The following KLHL29 variants were observed in gnomAD, a reference collection of about 807,000 sequenced individuals.
KLHL29 encodes kelch like family member 29.
In KLHL29, 21 loss-of-function variants were observed where a neutral mutation model predicts 80.4. That is an observed-to-expected ratio of 0.26 (90% CI 0.19 to 0.38). The LOEUF is 0.38. Among genes scored for constraint, KLHL29 ranks in the 10% least tolerant of loss-of-function variants. The pLI, the probability that KLHL29 is intolerant of heterozygous loss-of-function variation, is 1.00. For synonymous variants in KLHL29, 511 were observed against 526.8 expected (o/e 0.97, Z 0.41); for missense variants, 867 against 1,223.9 (o/e 0.71, Z 4.35).
At chr2:23,599,259 G>A (rs936219644) in intron 3 of KLHL29, among the ~76,000 whole-genome samples, 3 of 152,060 alleles carry the variant, frequency 2.0e-5, no homozygotes, top group African/African-American at 7.2e-5. Context: ...AGCATGCCCT[G>A]GTCCCTGTTT....
chr2:23,514,460 T>C (rs974821641), intron 2 of KLHL29, among the ~76,000 whole-genome samples: 2 of 152,150 alleles, frequency 1.3e-5, no homozygotes, highest in African/African-American at 2.4e-5. Flanking sequence ...TTCCTGGAAA[T>C]TGCCTTGGTC....
intron 2 of KLHL29, among the ~76,000 whole-genome samples, chr2:23,537,226 TGG>T (rs1666698264): frequency 6.6e-6 from 1 of 152,188 alleles, no homozygotes; most frequent in Non-Finnish European, 1.5e-5. Flanking sequence ...CCACCCTTCA[TGG>T]GCAGTGCTGC....
chr2:23,575,684 T>C (rs891095544), intron 3 of KLHL29, among the ~76,000 whole-genome samples: 3 of 152,118 alleles, frequency 2.0e-5, no homozygotes, highest in African/African-American at 7.2e-5. Context: ...GCTGGCAATG[T>C]GGAGACACAG....
At chr2:23,642,936 G>A in intron 5 of KLHL29, 86 bp downstream of exon 5, 5 of 1,469,322 alleles carry the variant, frequency 3.4e-6, no homozygotes, top group Non-Finnish European at 4.7e-6. Context: ...GACAGGGGGT[G>A]CTTCATGCCA....
chr2:23,557,893 C>T (rs960101963), intron 2 of KLHL29, among the ~76,000 whole-genome samples: 2 of 152,144 alleles, frequency 1.3e-5, no homozygotes, highest in Non-Finnish European at 2.9e-5. Context: ...ACATAGACTG[C>T]CAATTTCAGT....
intron 2 of KLHL29, among the ~76,000 whole-genome samples, chr2:23,523,037 C>T (rs1291821880): frequency 4.3e-5 from 6 of 138,724 alleles, no homozygotes; most frequent in Non-Finnish European, 7.7e-5. Context: ...GGGGTGGTTA[C>T]GGGCATTTAG....
At chr2:23,504,856 G>A (rs1665554304) in intron 2 of KLHL29, among the ~76,000 whole-genome samples, 1 of 152,192 alleles carries the variant, frequency 6.6e-6, no homozygotes, top group South Asian at 2.1e-4. Flanking sequence ...GCCGTTGAAT[G>A]TGCCCAGGCC....
In KLHL29 at chr2:23,564,801, G is replaced by A. The variant is rs139703822; in HGVS notation, c.285+2320G>A. Among the ~76,000 whole-genome samples, 617 of 152,314 alleles carry A rather than the reference G, an allele frequency of 4.1e-3. 5 individuals are homozygous for A. Among genetic ancestry groups the A allele is most frequent in the African/African-American group, 0.014 (588 of 41,572 alleles). ...TGGCTCTTGCCCTCGGGGAGCTCAC[G>A]GCTCCTTGTGTATAACAAATCTGTG... On this transcript the variant is annotated intron_variant, in intron 3 of 13. Transcript: ENST00000486442.
At chr2:23,535,108 T>A (rs1219518611) in intron 2 of KLHL29, among the ~76,000 whole-genome samples, 4 of 152,244 alleles carry the variant, frequency 2.6e-5, no homozygotes, top group African/African-American at 9.6e-5. Flanking sequence ...TAAAATTAGT[T>A]AATTTTTTTA....
intron 3 of KLHL29, among the ~76,000 whole-genome samples, chr2:23,606,189 G>GAGGGAGA (rs1668720868): frequency 1.4e-5 from 2 of 140,636 alleles, no homozygotes; most frequent in Non-Finnish European, 3.0e-5. Flanking sequence ...AGAGAGAGAG[G>GAGGGAGA]GAGAGAGAGA....
intron 3 of KLHL29, among the ~76,000 whole-genome samples, chr2:23,572,223 A>T (rs115390561): frequency 0.01 from 1,557 of 152,236 alleles, 11 homozygotes; most frequent in Non-Finnish European, 0.015. Flanking sequence ...TGAAATTCCC[A>T]AACAGGAAGA....
intron 2 of KLHL29, among the ~76,000 whole-genome samples, chr2:23,550,018 C>A (rs1162231967): frequency 6.6e-6 from 1 of 152,166 alleles, no homozygotes; most frequent in Admixed American, 6.5e-5. Flanking sequence ...CCTGGCCTAC[C>A]CTGCCTGCTC....
At chr2:23,674,774 A>G (rs1231405336) in intron 5 of KLHL29, among the ~76,000 whole-genome samples, 1 of 133,964 alleles carries the variant, frequency 7.5e-6, no homozygotes, top group Non-Finnish European at 1.5e-5. Context: ...CCTGAGGACC[A>G]AGGCACCTCA....
At chr2:23,581,116 C>T (rs1198330185) in intron 3 of KLHL29, among the ~76,000 whole-genome samples, 1 of 151,964 alleles carries the variant, frequency 6.6e-6, no homozygotes, top group African/African-American at 2.4e-5. Context: ...AATAGACTCA[C>T]ATCCGAGAAA....
intron 2 of KLHL29, among the ~76,000 whole-genome samples, chr2:23,491,932 AC>A (rs1665115679): frequency 6.6e-6 from 1 of 151,922 alleles, no homozygotes; most frequent in South Asian, 2.1e-4. Flanking sequence ...CTGCCTCCTA[AC>A]CATCCCTCCC....
chr2:23,456,642 C>T (rs1379597605), intron 1 of KLHL29, among the ~76,000 whole-genome samples: 4 of 152,246 alleles, frequency 2.6e-5, no homozygotes, highest in Non-Finnish European at 4.4e-5. Flanking sequence ...TGTAAATGCT[C>T]GCATTGCGTT....
chr2:23,642,932 G>A lies in KLHL29; in HGVS notation c.940+82G>A, dbSNP rs977081845. ...GTCACTGCAACACCACCGGGACAGG[G>A]GGTGCTTCATGCCAGCTCCTTCACT... On this transcript the variant is annotated intron_variant, in intron 5 of 13. Transcript: ENST00000486442. 22 of 1,485,316 alleles carry A rather than the reference G, an allele frequency of 1.5e-5. No homozygotes were observed. The Middle Eastern group carries it at 5.1e-4, about 34-fold the overall frequency. The allele number at this position is 1,485,316 out of a possible 1,614,324, so 92.0% of individuals were successfully genotyped here. A position where few individuals can be genotyped will look rare whatever the true frequency, so the allele number is the denominator to read the frequency against.
At chr2:23,586,176 G>A (rs998555237) in intron 3 of KLHL29, among the ~76,000 whole-genome samples, 1 of 152,030 alleles carries the variant, frequency 6.6e-6, no homozygotes, top group Non-Finnish European at 1.5e-5. Context: ...AAAAAAAATT[G>A]TGGTAAGCGA....
At chr2:23,639,054 G>A in intron 3 of KLHL29, 85 bp from the exon 4 acceptor site, 3 of 1,324,526 alleles carry the variant, frequency 2.3e-6, no homozygotes, top group Non-Finnish European at 3.0e-6. Context: ...GTCTTGTTTT[G>A]GAGGCTAGGT....
Sources: gnomAD v4.1 joint callset for allele counts (sites outside exome capture counted in the v4.1 genomes callset) on GRCh38, gnomAD v4.1.1 for gene constraint, MANE v1.5 for transcripts, NCBI Gene and HGNC (gene_info 2026-07-23, HGNC 2026-07-21) for gene names.